C8orf34: variants seen among roughly 807,000 people sequenced by gnomAD.
C8orf34 encodes uncharacterized protein C8orf34.
Under a neutral mutation model 68.3 loss-of-function variants are expected in C8orf34, and 65 were observed. That is an observed-to-expected ratio of 0.95 (90% CI 0.78 to 1.17). The LOEUF (loss-of-function observed/expected upper bound fraction) is 1.17, where lower values mean the gene tolerates loss of function less well. Among genes scored for constraint, C8orf34 ranks in the 50% most tolerant of loss-of-function variants. The probability of loss-of-function intolerance (pLI) is 0.00; values close to 1 mark genes in which losing one functional copy is unlikely to be tolerated. For missense variants in C8orf34, 664 were observed against 655.4 expected (o/e 1.01, Z -0.14); for synonymous variants, 244 against 241.2 (o/e 1.01, Z -0.11).
intron 10 of C8orf34, among the ~76,000 whole-genome samples, chr8:68,724,690 G>A (rs1364600695): frequency 2.0e-5 from 3 of 152,094 alleles, no homozygotes. Context: ...GTATTTGTCA[G>A]GTAAAGCCAT....
At chr8:68,757,106 A>G (rs1822883733) in intron 10 of C8orf34, among the ~76,000 whole-genome samples, 1 of 152,232 alleles carries the variant, frequency 6.6e-6, no homozygotes, top group South Asian at 2.1e-4. Context: ...ATTCCGTTTT[A>G]AAGTCTTGCT....
intron 1 of C8orf34, among the ~76,000 whole-genome samples, chr8:68,404,413 C>A (rs895595961): frequency 6.6e-6 from 1 of 152,122 alleles, no homozygotes; most frequent in African/African-American, 2.4e-5. Flanking sequence ...CTTTTGTTGC[C>A]ATTGCTTTTG....
intron 1 of C8orf34, among the ~76,000 whole-genome samples, chr8:68,372,718 A>G: frequency 6.6e-6 from 1 of 152,146 alleles, no homozygotes; most frequent in East Asian, 1.9e-4. Flanking sequence ...CGTCATCTAC[A>G]TTAAGTATTT....
At chr8:68,335,081 C>A (rs1256224770) in intron 1 of C8orf34, among the ~76,000 whole-genome samples, 1 of 152,080 alleles carries the variant, frequency 6.6e-6, no homozygotes, top group Admixed American at 6.6e-5. Flanking sequence ...GTTGTTCCCC[C>A]TCTCATAAGG....
At chr8:68,763,528 C>A (rs1400439385) in intron 10 of C8orf34, among the ~76,000 whole-genome samples, 1 of 152,112 alleles carries the variant, frequency 6.6e-6, no homozygotes, top group Non-Finnish European at 1.5e-5. Flanking sequence ...CAAATGTAGT[C>A]AATTTTGAAA....
chr8:68,771,301 C>T (rs974011433), intron 10 of C8orf34, among the ~76,000 whole-genome samples: 4 of 152,066 alleles, frequency 2.6e-5, no homozygotes, highest in Middle Eastern at 3.2e-3. Context: ...TAGAGGTTGT[C>T]GAGTTCAGAA....
intron 5 of C8orf34, among the ~76,000 whole-genome samples, chr8:68,494,105 T>C (rs1232112693): frequency 6.6e-6 from 1 of 152,022 alleles, no homozygotes; most frequent in Non-Finnish European, 1.5e-5. Context: ...GACCAAGAGG[T>C]GAAAGCAACC....
chr8:68,391,890 T>C (rs1470308984), intron 1 of C8orf34, among the ~76,000 whole-genome samples: 1 of 152,102 alleles, frequency 6.6e-6, no homozygotes, highest in Non-Finnish European at 1.5e-5. Flanking sequence ...AATCACATGG[T>C]CACTCAGACA....
intron 13 of C8orf34, among the ~76,000 whole-genome samples, chr8:68,817,498 C>T (rs1269959769): frequency 6.6e-6 from 1 of 152,104 alleles, no homozygotes; most frequent in Non-Finnish European, 1.5e-5. Context: ...GCCAATGCCA[C>T]ACACAAAGCA....
intron 1 of C8orf34, among the ~76,000 whole-genome samples, chr8:68,338,562 C>G (rs1167834464): frequency 1.3e-5 from 2 of 152,148 alleles, no homozygotes; most frequent in East Asian, 3.9e-4. Flanking sequence ...AAATCACACA[C>G]TATGCAAATT....
chr8:68,417,011 T>C (rs532470626), intron 1 of C8orf34, among the ~76,000 whole-genome samples: 42 of 152,260 alleles, frequency 2.8e-4, no homozygotes, highest in African/African-American at 9.9e-4. Flanking sequence ...AGTGAAGATT[T>C]AGGTATTATA....
intron 7 of C8orf34, among the ~76,000 whole-genome samples, chr8:68,622,039 A>G (rs1046602643): frequency 4.6e-5 from 7 of 152,182 alleles, no homozygotes; most frequent in African/African-American, 1.7e-4. Flanking sequence ...CTGGGGAAGG[A>G]TCTGTCTCCA....
chr8:68,608,060 ACT>A (rs10585021), intron 7 of C8orf34, among the ~76,000 whole-genome samples: 10,814 of 151,800 alleles, frequency 0.071, 545 homozygotes, highest in African/African-American at 0.14. Context: ...TAATTTATTC[ACT>A]CTCATTCATT....
At chr8:68,385,961 G>C (rs544428725) in intron 1 of C8orf34, among the ~76,000 whole-genome samples, 1 of 152,094 alleles carries the variant, frequency 6.6e-6, no homozygotes, top group African/African-American at 2.4e-5. Flanking sequence ...GTGTAGTGGC[G>C]TGGTAATAGC....
chr8:68,637,618 CT>C (rs1329547502), intron 7 of C8orf34, among the ~76,000 whole-genome samples: 1 of 152,144 alleles, frequency 6.6e-6, no homozygotes, highest in Non-Finnish European at 1.5e-5. Flanking sequence ...ACATGTGAAT[CT>C]CTATTAATCT....
intron 12 of C8orf34, among the ~76,000 whole-genome samples, chr8:68,797,945 A>C (rs1824224819): frequency 6.6e-6 from 1 of 152,080 alleles, no homozygotes; most frequent in Non-Finnish European, 1.5e-5. Context: ...ATATTTGTAG[A>C]GAAAAGACAT....
chr8:68,776,402 G>A lies in C8orf34; in HGVS notation c.1408G>A (p.Glu470Lys), dbSNP rs769158181. Residue 470 changes from glutamate to lysine, a missense_variant, in exon 11 of 14, where the codon GAA becomes AAA. Physicochemically the swap from Glu to Lys is moderately conservative, Grantham distance 56. Coordinates refer to ENST00000518698, the MANE Select transcript of C8orf34 (RefSeq NM_052958.4). Reference protein sequence around the residue: ...EKASKLTGPGEASSGVGHSLK... With the variant: ...EKASKLTGPGKASSGVGHSLK... Reference sequence around the variant, plus strand: ...CTCTCTTCCTCTTTACTTCTAGGGAGAAGCCTCCAGTGGAGTAGGACACTC... The same window carrying A: ...CTCTCTTCCTCTTTACTTCTAGGGAAAAGCCTCCAGTGGAGTAGGACACTC... The A allele has an allele frequency of 2.5e-6, 4 of 1,612,440 alleles. No individual in the cohort carries two copies. Among genetic ancestry groups the A allele is most frequent in the Non-Finnish European group, 3.4e-6 (4 of 1,178,712 alleles).
intron 10 of C8orf34, among the ~76,000 whole-genome samples, chr8:68,751,391 A>C (rs1176109090): frequency 6.6e-6 from 1 of 152,204 alleles, no homozygotes; most frequent in South Asian, 2.1e-4. Flanking sequence ...GACAGCAACA[A>C]GTTTCAGAGA....
chr8:68,473,278 G>T (rs746800946), intron 4 of C8orf34, among the ~76,000 whole-genome samples: 15 of 152,118 alleles, frequency 9.9e-5, no homozygotes, highest in Non-Finnish European at 1.9e-4. Flanking sequence ...TTTATAGACA[G>T]GCTTGAGGAG....
Sources: allele counts gnomAD v4.1 joint callset (sites outside exome capture counted in the v4.1 genomes callset), GRCh38; gene constraint gnomAD v4.1.1; transcripts MANE v1.5; gene names NCBI Gene and HGNC (gene_info 2026-07-23, HGNC 2026-07-21).